LRRC53: variants seen among roughly 807,000 people sequenced by gnomAD.
The protein encoded by LRRC53 is leucine rich repeat containing 53.
In LRRC53, 25 loss-of-function variants were observed where a neutral mutation model predicts 13.6. The observed-to-expected ratio is 1.83, with a 90% confidence interval of 1.34 to 2.56. The LOEUF (loss-of-function observed/expected upper bound fraction) is 2.56, where lower values mean the gene tolerates loss of function less well. Among genes scored for constraint, LRRC53 ranks in the 30% most tolerant of loss-of-function variants. The pLI is 0.00. For synonymous variants in LRRC53, 204 were observed against 109.8 expected (o/e 1.86, Z -5.37); for missense variants, 527 against 275.8 (o/e 1.91, Z -6.45).
the LRRC53 span, among the ~76,000 whole-genome samples, chr1:74,521,175 A>G: frequency 1.3e-5 from 2 of 152,156 alleles, no homozygotes; most frequent in East Asian, 1.9e-4. Flanking sequence ...GAGGTTGTGT[A>G]TTGTAGTTAT....
chr1:74,486,288 A>T (rs1456475453), intron 1 of LRRC53, among the ~76,000 whole-genome samples: 2 of 149,486 alleles, frequency 1.3e-5, no homozygotes, highest in African/African-American at 4.9e-5. Context: ...TCCAGGATCT[A>T]CTTGCTTTTA....
the LRRC53 span, among the ~76,000 whole-genome samples, chr1:74,521,913 CA>C: frequency 6.6e-6 from 1 of 152,220 alleles, no homozygotes; most frequent in East Asian, 1.9e-4. Flanking sequence ...CATAACTACT[CA>C]AAAGCCCAGA....
At position 74,475,496 on chromosome 1, in the gene LRRC53, G is replaced by C. The variant is rs45535932; in HGVS notation, c.1219C>G (p.Arg407Gly). The change falls in exon 4 of 5, where the codon CGT (arginine) becomes GGT (glycine). Residue 407 changes from arginine to glycine, a missense_variant. Transcript: ENST00000294635. The stretch of plus-strand genomic sequence containing the variant: ...CAAAATAAAGTGCTGCCTACCCCAC[G>C]GTCTTTCTTTTTCAGGTTTCTAAAT... The part of the protein sequence containing the change: ...GSFRNLKKKD[R>G]GVGSTLFCQD... 2,113 of 716,782 alleles carry C rather than the reference G, an allele frequency of 2.9e-3. 3 individuals carry two copies. Among genetic ancestry groups the C allele is most frequent in the Non-Finnish European group, 3.3e-3 (1,271 of 384,798 alleles). The allele number at this position is 716,782 out of a possible 1,614,324, so 44.4% of individuals were successfully genotyped here. A position where few individuals can be genotyped will look rare whatever the true frequency, so the allele number is the denominator to read the frequency against.
chr1:74,502,374 A>G (rs1570710111), intron 1 of LRRC53, among the ~76,000 whole-genome samples: 1 of 152,358 alleles, frequency 6.6e-6, no homozygotes, highest in Middle Eastern at 3.4e-3. Context: ...AATCTTGTGA[A>G]GTATGCCTCA....
At chr1:74,532,426 G>A in the LRRC53 span, among the ~76,000 whole-genome samples, 1 of 151,704 alleles carries the variant, frequency 6.6e-6, no homozygotes, top group African/African-American at 2.4e-5. Flanking sequence ...AATGGTAACT[G>A]AACAATAGTT....
chr1:74,508,525 A>C (rs1670021996), intron 1 of LRRC53, among the ~76,000 whole-genome samples: 1 of 152,230 alleles, frequency 6.6e-6, no homozygotes, highest in Non-Finnish European at 1.5e-5. Context: ...CTGGACACCA[A>C]ACTCCACAAA....
Position 74,492,087 on chromosome 1 carries a change from C to G in LRRC53, c.-26-8712G>C, listed in dbSNP as rs202081102. The G allele has an allele frequency of 2.0e-6, 3 of 1,520,342 alleles. No homozygotes were observed. The highest frequency in any genetic ancestry group is 1.4e-5 in the African/African-American group (1 of 73,318). 94.2% of individuals were successfully genotyped at this position (1,520,342 alleles called of 1,614,324 possible). A position where few individuals can be genotyped will look rare whatever the true frequency, so the allele number is the denominator to read the frequency against. On this transcript the variant is annotated intron_variant, in intron 1 of 4. Transcript: ENST00000294635. ...TATTAAACAATTGAAATTGCCCCTC[C>G]TCCACTCAGCTGATGTCTCCTGCAT...
At position 74,470,333 on chromosome 1, in the gene LRRC53, A is replaced by G. The variant is rs1667861496; in HGVS notation, c.3289T>C (p.Leu1097=). 7.5e-6 allele frequency: 3 copies of G among 400,412 alleles called. No individual in the cohort carries two copies. The allele number at this position is 400,412 out of a possible 1,614,324, so 24.8% of individuals were successfully genotyped here. A position where few individuals can be genotyped will look rare whatever the true frequency, so the allele number is the denominator to read the frequency against. ...LDESKTDSSM[L]TQISQMTLKG... ...AAGGTCATTTGTGAGATCTGAGTTAACATACTAGAATCTGTCTTGCTTTCA... is the reference window on the plus strand; with the variant it reads ...AAGGTCATTTGTGAGATCTGAGTTAGCATACTAGAATCTGTCTTGCTTTCA... Residue 1097 remains leucine, a synonymous_variant, in exon 5 of 5, where the codon TTA becomes CTA. Coordinates refer to ENST00000294635, the MANE Select transcript of LRRC53 (RefSeq NM_001382280.1).
At chr1:74,507,064 A>T (rs887685286) in intron 1 of LRRC53, among the ~76,000 whole-genome samples, 1 of 152,216 alleles carries the variant, frequency 6.6e-6, no homozygotes, top group Non-Finnish European at 1.5e-5. Flanking sequence ...ACAAATTATT[A>T]TCTTAATTTA....
At chr1:74,519,103 A>G in the LRRC53 span, among the ~76,000 whole-genome samples, 19 of 93,096 alleles carry the variant, frequency 2.0e-4, no homozygotes, top group African/African-American at 9.0e-4. Context: ...TCATTGTTCA[A>G]TTCCCACCTA....
At chr1:74,488,225 G>A (rs975341870) in intron 1 of LRRC53, among the ~76,000 whole-genome samples, 12 of 152,180 alleles carry the variant, frequency 7.9e-5, no homozygotes, top group African/African-American at 2.9e-4. Flanking sequence ...AGCAGTGACA[G>A]CAAGGAAGAC....
chr1:74,499,898 C>T (rs923601432), intron 1 of LRRC53, among the ~76,000 whole-genome samples: 4 of 152,086 alleles, frequency 2.6e-5, no homozygotes, highest in African/African-American at 9.7e-5. Flanking sequence ...TCCATTGTGA[C>T]TGCTGAAATC....
upstream of LRRC53, among the ~76,000 whole-genome samples, chr1:74,512,903 T>TAAAA: frequency 6.6e-6 from 1 of 152,246 alleles, no homozygotes; most frequent in Admixed American, 6.5e-5. Flanking sequence ...GGTCACTATG[T>TAAAA]GATCACCTAA....
intron 4 of LRRC53, among the ~76,000 whole-genome samples, chr1:74,473,275 C>T (rs1668027500): frequency 6.6e-6 from 1 of 152,028 alleles, no homozygotes; most frequent in South Asian, 2.1e-4. Context: ...AAGTTGAATG[C>T]TTTCCCGTAG....
At chr1:74,500,552 T>C (rs1171552816) in intron 1 of LRRC53, among the ~76,000 whole-genome samples, 6 of 120,704 alleles carry the variant, frequency 5.0e-5, no homozygotes, top group East Asian at 2.9e-4. Context: ...TGCAGTGAGC[T>C]GAGATCCCGC....
chr1:74,530,369 G>T, the LRRC53 span, among the ~76,000 whole-genome samples: 68 of 152,258 alleles, frequency 4.5e-4, 1 homozygote, highest in East Asian at 0.013. Flanking sequence ...GGGTTATCTT[G>T]GGTAAGACAT....
At chr1:74,508,943 G>A (rs1324974035) in intron 1 of LRRC53, among the ~76,000 whole-genome samples, 1 of 152,134 alleles carries the variant, frequency 6.6e-6, no homozygotes, top group Non-Finnish European at 1.5e-5. Flanking sequence ...TCATCCCTGA[G>A]AAACTTATGT....
upstream of LRRC53, among the ~76,000 whole-genome samples, chr1:74,514,277 A>G (rs1418632632): frequency 1.3e-5 from 2 of 152,162 alleles, no homozygotes; most frequent in Non-Finnish European, 2.9e-5. Context: ...AAGCGTTTTC[A>G]CACAATTCTA....
At chr1:74,496,872 A>G (rs1053220779) in intron 1 of LRRC53, among the ~76,000 whole-genome samples, 1 of 152,178 alleles carries the variant, frequency 6.6e-6, no homozygotes, top group Middle Eastern at 3.2e-3. Context: ...GTAAATTTAG[A>G]AATGACAAAC....
Sources: allele counts gnomAD v4.1 joint callset (sites outside exome capture counted in the v4.1 genomes callset), GRCh38; gene constraint gnomAD v4.1.1; transcripts MANE v1.5; gene names NCBI Gene and HGNC (gene_info 2026-07-23, HGNC 2026-07-21).